Variants in ZFHX3 observed in about 807,000 individuals in gnomAD.
ZFHX3 encodes the protein zinc finger homeobox protein 3.
ZFHX3 carries 42 observed loss-of-function variants against 279.1 expected under a neutral mutation model. The ratio of observed to expected loss-of-function variants is 0.15; its 90% CI spans 0.12 to 0.19. The LOEUF (loss-of-function observed/expected upper bound fraction) is 0.19. ZFHX3 is among the 10% of genes least tolerant of loss of function. The probability of loss-of-function intolerance (pLI) is 1.00; values close to 1 mark genes in which losing one functional copy is unlikely to be tolerated. For missense variants in ZFHX3, 4,981 were observed against 4,754.0 expected, an observed-to-expected ratio of 1.05 and a Z score of -1.40; for synonymous variants, 2,293 against 1,957.8, an observed-to-expected ratio of 1.17 and a Z score of -4.52.
intron 2 of ZFHX3, among the ~76,000 whole-genome samples, chr16:73,635,054 T>A (rs2052515301): frequency 6.6e-6 from 1 of 152,172 alleles, no homozygotes; most frequent in African/African-American, 2.4e-5. Context: ...TCATTAAAGA[T>A]CAATTTAACT....
intron 4 of ZFHX3, among the ~76,000 whole-genome samples, chr16:73,314,201 C>T (rs1446126502): frequency 6.6e-6 from 1 of 152,134 alleles, no homozygotes; most frequent in Non-Finnish European, 1.5e-5. Flanking sequence ...AAAGATAGGC[C>T]TCCCTGAGCA....
chr16:73,042,091 G>A (rs1325959325), intron 1 of ZFHX3, among the ~76,000 whole-genome samples: 1 of 152,162 alleles, frequency 6.6e-6, no homozygotes, highest in Non-Finnish European at 1.5e-5. Flanking sequence ...CACATATGTG[G>A]TTTTTATAGA....
chr16:73,328,212 G>C (rs1174080869), intron 3 of ZFHX3, among the ~76,000 whole-genome samples: 2 of 152,150 alleles, frequency 1.3e-5, no homozygotes, highest in African/African-American at 4.8e-5. Flanking sequence ...GATGTTACCA[G>C]ATCTTCGGTG....
intron 4 of ZFHX3, among the ~76,000 whole-genome samples, chr16:73,314,348 C>T (rs760200478): frequency 6.6e-5 from 10 of 152,184 alleles, no homozygotes; most frequent in Non-Finnish European, 1.3e-4. Flanking sequence ...CAGTTCCTTA[C>T]GATAATTCTC....
At chr16:73,065,395 AT>A (rs979325388) in intron 8 of ZFHX3, among the ~76,000 whole-genome samples, 4 of 150,856 alleles carry the variant, frequency 2.7e-5, no homozygotes, top group African/African-American at 9.8e-5. Flanking sequence ...CATCCCTTTT[AT>A]TTTTTGCTGA....
At chr16:73,759,464 C>T (rs2053841695) in intron 1 of ZFHX3, among the ~76,000 whole-genome samples, 1 of 152,142 alleles carries the variant, frequency 6.6e-6, no homozygotes, top group Admixed American at 6.5e-5. Flanking sequence ...GAAATGTACA[C>T]TGGGAAGCCC....
intron 3 of ZFHX3, among the ~76,000 whole-genome samples, chr16:73,367,559 C>T (rs1209377845): frequency 7.2e-5 from 11 of 152,016 alleles, no homozygotes; most frequent in Admixed American, 5.9e-4. Flanking sequence ...CTGGCCACCT[C>T]CCACATGCTT....
Position 72,787,380 on chromosome 16 carries a change from A to AAAAG in ZFHX3, c.10892_10895dup (p.Pro3633PhefsTer34). The AAAAG allele has an allele frequency of 6.2e-7, 1 of 1,606,904 alleles. No homozygotes were observed. Among genetic ancestry groups the AAAAG allele is most frequent in the Non-Finnish European group, 8.5e-7 (1 of 1,174,880 alleles). On this transcript the variant is annotated frameshift_variant, in exon 10 of 10. Coordinates refer to ENST00000268489, the MANE Select transcript of ZFHX3 (RefSeq NM_006885.4). LOFTEE classifies it high-confidence loss of function. Reference sequence around the variant, plus strand: ...CCGTTGAAGATGAGGAGAGAGGAGGAAAAGAAGGGGGCTTCGCTGCCGAAG... The same window carrying AAAAG: ...CCGTTGAAGATGAGGAGAGAGGAGGAAAAGAAAGAAGGGGGCTTCGCTGCCGAAG...
At chr16:72,828,881 G>C (rs900232130) in intron 5 of ZFHX3, among the ~76,000 whole-genome samples, 18 of 151,840 alleles carry the variant, frequency 1.2e-4, no homozygotes, top group African/African-American at 4.4e-4. Flanking sequence ...TGTAGAGACA[G>C]TGTCTCACCA....
intron 1 of ZFHX3, among the ~76,000 whole-genome samples, chr16:73,684,788 C>T (rs1388679731): frequency 2.0e-5 from 3 of 151,592 alleles, no homozygotes; most frequent in African/African-American, 7.3e-5. Context: ...ACAACCTCCA[C>T]CTCCTGGGTT....
chr16:73,868,679 A>C (rs2142398269), intron 1 of ZFHX3, among the ~76,000 whole-genome samples: 1 of 152,280 alleles, frequency 6.6e-6, no homozygotes, highest in African/African-American at 2.4e-5. Context: ...ACTGTAAAAA[A>C]CCTAAGCATA....
intron 4 of ZFHX3, among the ~76,000 whole-genome samples, chr16:72,863,943 C>A (rs1414590972): frequency 1.3e-5 from 2 of 152,004 alleles, no homozygotes; most frequent in Non-Finnish European, 2.9e-5. Flanking sequence ...GGTGAAACCC[C>A]GTCTCTACTA....
At chr16:73,391,253 A>G (rs1165258359) in intron 3 of ZFHX3, among the ~76,000 whole-genome samples, 1 of 152,110 alleles carries the variant, frequency 6.6e-6, no homozygotes, top group African/African-American at 2.4e-5. Flanking sequence ...AGGCATGCAG[A>G]TGAGTTCAAG....
chr16:72,964,812 C>T (rs888168936), intron 1 of ZFHX3, among the ~76,000 whole-genome samples: 1 of 152,112 alleles, frequency 6.6e-6, no homozygotes, highest in African/African-American at 2.4e-5. Flanking sequence ...ATTTTTATCC[C>T]CATTTTAGAA....
At chr16:73,784,507 G>C (rs1160888693) in intron 1 of ZFHX3, among the ~76,000 whole-genome samples, 1 of 152,008 alleles carries the variant, frequency 6.6e-6, no homozygotes, top group East Asian at 1.9e-4. Context: ...CCAGCACTTT[G>C]GGAGGCCAAA....
At chr16:73,752,705 C>A (rs1376098115) in intron 1 of ZFHX3, among the ~76,000 whole-genome samples, 2 of 152,138 alleles carry the variant, frequency 1.3e-5, no homozygotes, top group African/African-American at 4.8e-5. Flanking sequence ...CCTAACAAAA[C>A]CATGTCGACT....
chr16:72,821,533 A>G (rs2036790191), intron 5 of ZFHX3, among the ~76,000 whole-genome samples: 1 of 152,150 alleles, frequency 6.6e-6, no homozygotes, highest in African/African-American at 2.4e-5. Flanking sequence ...ACCTTCAGGT[A>G]CTCCTCAGGA....
At chr16:73,093,758 GA>G in intron 7 of ZFHX3, 1 of 270,680 alleles carries the variant, frequency 3.7e-6, no homozygotes, top group Non-Finnish European at 7.6e-6. Flanking sequence ...AAAATAGAAA[GA>G]AAAACGCAAC....
chr16:73,401,407 C>CACA (rs2017252400), intron 3 of ZFHX3: 9 of 126,488 alleles, frequency 7.1e-5, no homozygotes, highest in Non-Finnish European at 1.3e-4. Flanking sequence ...CACACACACA[C>CACA]CTCAAAAGCC....
Sources: gnomAD v4.1 joint callset for allele counts (sites outside exome capture counted in the v4.1 genomes callset) on GRCh38, gnomAD v4.1.1 for gene constraint, MANE v1.5 for transcripts, NCBI Gene and HGNC (gene_info 2026-07-23, HGNC 2026-07-21) for gene names.